The following LAMA2 variants were observed in gnomAD, a reference collection of about 807,000 sequenced individuals.
The protein encoded by LAMA2 is laminin subunit alpha 2.
In LAMA2, 269 loss-of-function variants were observed where a neutral mutation model predicts 364.8. The observed-to-expected ratio is 0.74, with a 90% CI of 0.67 to 0.82. LAMA2 has a LOEUF of 0.82. Among genes scored for constraint, LAMA2 ranks in the 40% least tolerant of loss-of-function variants. The probability of loss-of-function intolerance (pLI) is 0.00; values close to 1 mark genes in which losing one functional copy is unlikely to be tolerated. For synonymous variants in LAMA2, 1,379 were observed against 1,370.6 expected, an observed-to-expected ratio of 1.01 and a Z score of -0.14; for missense variants, 3,807 against 3,873.2, an observed-to-expected ratio of 0.98 and a Z score of 0.45.
intron 35 of LAMA2, among the ~76,000 whole-genome samples, chr6:129,391,045 A>G (rs1031681000): frequency 6.6e-6 from 1 of 152,114 alleles, no homozygotes; most frequent in Non-Finnish European, 1.5e-5. Flanking sequence ...GGGCAGGTTC[A>G]TTTTCAGAGA....
At chr6:129,429,332 G>C (rs530491640) in intron 41 of LAMA2, among the ~76,000 whole-genome samples, 58 of 152,236 alleles carry the variant, frequency 3.8e-4, no homozygotes, top group African/African-American at 1.4e-3. Flanking sequence ...GAAAGACATG[G>C]GGTTTTGCTA....
At chr6:129,505,013 G>T (rs1785941904) in intron 60 of LAMA2, among the ~76,000 whole-genome samples, 187 bp from the exon 61 acceptor site, 1 of 152,198 alleles carries the variant, frequency 6.6e-6, no homozygotes, top group African/African-American at 2.4e-5. Flanking sequence ...TCATGGAAAA[G>T]ACAGAATTTG....
chr6:129,068,350 A>G (rs1773074539), intron 3 of LAMA2, among the ~76,000 whole-genome samples: 1 of 152,224 alleles, frequency 6.6e-6, no homozygotes, highest in Non-Finnish European at 1.5e-5. Flanking sequence ...GGTGGCTTAT[A>G]AACTGCAGCA....
In LAMA2 at chr6:129,396,299, A is replaced by G. The variant is rs534646512; in HGVS notation, c.5445+3044A>G. On this transcript the variant is annotated intron_variant, in intron 37 of 64. Transcript: ENST00000421865. ...CCTCCTGAAAAATTCAGACATGTCA[A>G]CCTTTCACTCTACATAATACTATGA... 2.6e-5 allele frequency among the ~76,000 whole-genome samples: 4 copies of G among 152,172 alleles called. No individual in the cohort carries two copies. The South Asian group carries it at 6.2e-4, about 24-fold the overall frequency.
intron 7 of LAMA2, among the ~76,000 whole-genome samples, chr6:129,153,227 T>G (rs150160314): frequency 3.9e-5 from 6 of 152,206 alleles, no homozygotes; most frequent in African/African-American, 1.4e-4. Context: ...CTAACTTCTT[T>G]ATAAGACATT....
At chr6:129,192,560 T>A in intron 11 of LAMA2, 120 bp from the exon 12 acceptor site, 1 of 847,652 alleles carries the variant, frequency 1.2e-6, no homozygotes, top group Middle Eastern at 3.3e-4. Flanking sequence ...TTCTAAATGT[T>A]TGTGGTTTGG....
At chr6:129,490,107 A>AAAT (rs1784786303) in intron 56 of LAMA2, among the ~76,000 whole-genome samples, 1 of 152,344 alleles carries the variant, frequency 6.6e-6, no homozygotes, top group African/African-American at 2.4e-5. Context: ...AAAACTAAAG[A>AAAT]AATGATCTAG....
intron 1 of LAMA2, among the ~76,000 whole-genome samples, chr6:129,028,799 A>G (rs1786019867): frequency 6.6e-6 from 1 of 151,922 alleles, no homozygotes; most frequent in South Asian, 2.1e-4. Flanking sequence ...AGTTCTTAAT[A>G]TAATTATCAA....
At chr6:129,483,074 A>G (rs1784428610) in intron 55 of LAMA2, among the ~76,000 whole-genome samples, 1 of 151,492 alleles carries the variant, frequency 6.6e-6, no homozygotes, top group South Asian at 2.1e-4. Flanking sequence ...CTCGAAAAAA[A>G]AAAAAAAAGA....
At chr6:129,134,787 G>A (rs1211849814) in intron 4 of LAMA2, among the ~76,000 whole-genome samples, 1 of 152,132 alleles carries the variant, frequency 6.6e-6, no homozygotes, top group Non-Finnish European at 1.5e-5. Flanking sequence ...GATAGTACTG[G>A]TCCATGGCCC....
chr6:129,446,261 A>T (rs901152746), intron 45 of LAMA2, among the ~76,000 whole-genome samples: 2 of 151,808 alleles, frequency 1.3e-5, no homozygotes, highest in Non-Finnish European at 1.5e-5. Context: ...AACATTTTAC[A>T]TATATATTCT....
At chr6:129,290,909 C>G (rs973865600) in intron 19 of LAMA2, among the ~76,000 whole-genome samples, 1 of 152,070 alleles carries the variant, frequency 6.6e-6, no homozygotes, top group African/African-American at 2.4e-5. Context: ...TGTTATAATG[C>G]TATAGTCTTA....
intron 1 of LAMA2, among the ~76,000 whole-genome samples, chr6:128,885,559 T>A (rs1461824266): frequency 6.6e-6 from 1 of 152,194 alleles, no homozygotes; most frequent in Admixed American, 6.5e-5. Flanking sequence ...TCTGTGAAAA[T>A]CACGGGATAT....
chr6:129,416,797 G>A (rs1780816362), intron 40 of LAMA2, among the ~76,000 whole-genome samples: 1 of 152,110 alleles, frequency 6.6e-6, no homozygotes, highest in Non-Finnish European at 1.5e-5. Context: ...GGGTGATTCA[G>A]GGCAGAGTGG....
At chr6:129,132,187 G>T (rs1252805573) in intron 4 of LAMA2, among the ~76,000 whole-genome samples, 1 of 142,172 alleles carries the variant, frequency 7.0e-6, no homozygotes, top group African/African-American at 2.7e-5. Flanking sequence ...TTTTTTTTGA[G>T]ACAGAGTCTC....
At chr6:129,077,658 C>A (rs182333754) in intron 3 of LAMA2, among the ~76,000 whole-genome samples, 1 of 152,266 alleles carries the variant, frequency 6.6e-6, no homozygotes, top group East Asian at 1.9e-4. Flanking sequence ...ACCCTATGTG[C>A]TGTATAGCAC....
chr6:129,511,490 A>G (rs1220296027), intron 62 of LAMA2, among the ~76,000 whole-genome samples: 2 of 152,126 alleles, frequency 1.3e-5, no homozygotes, highest in Admixed American at 6.6e-5. Flanking sequence ...TGCCAATCCA[A>G]ACCCATCAAG....
At chr6:129,200,331 C>CATGTGTATGTAT (rs1329039729) in intron 12 of LAMA2, among the ~76,000 whole-genome samples, 4 of 141,382 alleles carry the variant, frequency 2.8e-5, no homozygotes, top group African/African-American at 1.0e-4. Flanking sequence ...TACACATATA[C>CATGTGTATGTAT]ATATACACGT....
chr6:128,981,980 C>G lies in LAMA2; in HGVS notation c.113-67938C>G, dbSNP rs139889492. 6.4e-3 allele frequency among the ~76,000 whole-genome samples: 974 copies of G among 152,290 alleles called. 16 individuals are homozygous for G. Among genetic ancestry groups the G allele is most frequent in the African/African-American group, 0.022 (929 of 41,562 alleles). Reference sequence around the variant, plus strand: ...CTCTCATAGCACATAGGCTGTCCCTCTAACATAGCATGAGTCACACGCTTT... The same window carrying G: ...CTCTCATAGCACATAGGCTGTCCCTGTAACATAGCATGAGTCACACGCTTT... On this transcript the variant is annotated intron_variant, in intron 1 of 64. Transcript: ENST00000421865.
Sources: gnomAD v4.1 joint callset for allele counts (sites outside exome capture counted in the v4.1 genomes callset) on GRCh38, gnomAD v4.1.1 for gene constraint, MANE v1.5 for transcripts, NCBI Gene and HGNC (gene_info 2026-07-23, HGNC 2026-07-21) for gene names.